Variants in KCNMB2 observed in about 807,000 individuals in gnomAD.
KCNMB2 encodes the protein potassium calcium-activated channel subfamily M regulatory beta subunit 2, also known as calcium-activated potassium channel subunit beta-2.
In KCNMB2, 9 loss-of-function variants were observed where a neutral mutation model predicts 24.5. That is an observed-to-expected ratio of 0.37 (90% CI 0.22 to 0.64). The LOEUF is 0.64. KCNMB2 is among the 30% of genes least tolerant of loss of function. The pLI is 0.63. For synonymous variants in KCNMB2, 109 were observed against 104.4 expected (o/e 1.04, Z -0.27); for missense variants, 226 against 284.3 (o/e 0.79, Z 1.47).
intron 1 of KCNMB2, among the ~76,000 whole-genome samples, chr3:178,741,179 C>T (rs1367365890): frequency 1.3e-5 from 2 of 152,146 alleles, no homozygotes; most frequent in African/African-American, 4.8e-5. Flanking sequence ...ATGAACACAC[C>T]TGTGTTTGAA....
Position 178,592,106 on chromosome 3 carries a change from A to G in KCNMB2, c.-68+55395A>G, listed in dbSNP as rs77313550. ...AGTACTTTCCCTTCATGTCTGTAGCATATATTGCTTTCCATAGGATTTTCT... is the reference window on the plus strand; with the variant it reads ...AGTACTTTCCCTTCATGTCTGTAGCGTATATTGCTTTCCATAGGATTTTCT... On this transcript the variant is annotated intron_variant, in intron 1 of 4. Coordinates refer to ENST00000452583, the MANE Select transcript of KCNMB2 (RefSeq NM_181361.3). Among the ~76,000 whole-genome samples, 1,055 of 152,212 alleles carry G rather than the reference A, an allele frequency of 6.9e-3. 14 individuals carry two copies. The highest frequency in any genetic ancestry group is 0.024 in the African/African-American group (1,000 of 41,534).
At chr3:178,803,793 A>T (rs912174434) in intron 1 of KCNMB2, among the ~76,000 whole-genome samples, 1 of 152,192 alleles carries the variant, frequency 6.6e-6, no homozygotes, top group Non-Finnish European at 1.5e-5. Context: ...TAACTCATTC[A>T]CCATGAAGGC....
At chr3:178,612,069 T>G (rs760579996) in intron 1 of KCNMB2, among the ~76,000 whole-genome samples, 6 of 152,200 alleles carry the variant, frequency 3.9e-5, no homozygotes, top group Non-Finnish European at 8.8e-5. Context: ...TCCAAAATTT[T>G]TCTTGTTATT....
At chr3:178,834,668 G>T (rs1262584653) in intron 4 of KCNMB2, among the ~76,000 whole-genome samples, 2 of 152,120 alleles carry the variant, frequency 1.3e-5, no homozygotes, top group African/African-American at 2.4e-5. Context: ...GGGCGTGGAG[G>T]AGGGGAATAT....
intron 1 of KCNMB2, among the ~76,000 whole-genome samples, chr3:178,622,377 T>C (rs993305951): frequency 6.6e-6 from 1 of 152,222 alleles, no homozygotes; most frequent in Non-Finnish European, 1.5e-5. Flanking sequence ...AAATGTATGG[T>C]GCCTGTTTCA....
intron 1 of KCNMB2, among the ~76,000 whole-genome samples, chr3:178,596,779 T>C (rs570447400): frequency 1.3e-5 from 2 of 152,088 alleles, no homozygotes; most frequent in East Asian, 1.9e-4. Context: ...AACAGCCTGA[T>C]TGAAAGAAAC....
intron 1 of KCNMB2, among the ~76,000 whole-genome samples, chr3:178,609,010 G>A (rs553221654): frequency 1.3e-5 from 2 of 152,176 alleles, no homozygotes; most frequent in Non-Finnish European, 2.9e-5. Context: ...ATGCCCAGCA[G>A]TGGGATTGCT....
intron 1 of KCNMB2, among the ~76,000 whole-genome samples, chr3:178,743,121 A>T (rs1252578882): frequency 6.6e-6 from 1 of 152,184 alleles, no homozygotes; most frequent in African/African-American, 2.4e-5. Flanking sequence ...GCAGTGTAGC[A>T]GAGTGTGCAG....
chr3:178,602,000 A>G (rs1718098071), intron 1 of KCNMB2, among the ~76,000 whole-genome samples: 1 of 152,236 alleles, frequency 6.6e-6, no homozygotes, highest in South Asian at 2.1e-4. Flanking sequence ...TCTATAATTA[A>G]TAACAGGCTT....
intron 1 of KCNMB2, among the ~76,000 whole-genome samples, chr3:178,686,813 A>AGAGAGTGGTATC (rs775982469): frequency 5.0e-4 from 76 of 152,340 alleles, no homozygotes; most frequent in Non-Finnish European, 8.7e-4. Context: ...CTGATGAATC[A>AGAGAGTGGTATC]GAGAGTGGTA....
chr3:178,760,266 C>A (rs867960851), intron 1 of KCNMB2, among the ~76,000 whole-genome samples: 2 of 54,494 alleles, frequency 3.7e-5, no homozygotes, highest in Non-Finnish European at 3.5e-5. Flanking sequence ...ATAGATATAT[C>A]CAAGAGGATA....
chr3:178,821,613 A>G (rs1332337199), intron 2 of KCNMB2, among the ~76,000 whole-genome samples: 1 of 152,176 alleles, frequency 6.6e-6, no homozygotes, highest in Non-Finnish European at 1.5e-5. Context: ...TGTGTGTACT[A>G]TAAATGTACA....
rs373307212 is a variant in KCNMB2, at chr3:178,789,095, A to C, written c.-67-18248A>C. Among the ~76,000 whole-genome samples, 52 of 152,368 alleles carry C rather than the reference A, an allele frequency of 3.4e-4. 1 individual carries two copies. In the South Asian group the frequency reaches 0.011, roughly 31 times the overall value. On this transcript the variant is annotated intron_variant, in intron 1 of 4. Coordinates refer to ENST00000452583, the MANE Select transcript of KCNMB2 (RefSeq NM_181361.3). ...ATTGCTCAGTGACAGAATGAAGATT[A>C]GGAACCCAAAGCTGTGAATAAAAGC... is the stretch of plus-strand genomic sequence containing the variant.
At chr3:178,757,981 G>A (rs1724218706) in intron 1 of KCNMB2, among the ~76,000 whole-genome samples, 1 of 55,230 alleles carries the variant, frequency 1.8e-5, no homozygotes, top group Non-Finnish European at 3.2e-5. Flanking sequence ...ATAGACACAA[G>A]AGGATATATA....
At position 178,828,169 on chromosome 3, in the gene KCNMB2, T is replaced by C; in HGVS notation, c.228-9T>C. Reference sequence around the variant, plus strand: ...GGGCCTGTGTTTACTCTCACCCCTTTCTCTGCAGCGTGTGGACCGAAGAGT... The same window carrying C: ...GGGCCTGTGTTTACTCTCACCCCTTCCTCTGCAGCGTGTGGACCGAAGAGT... On this transcript the variant is annotated splice_polypyrimidine_tract_variant and intron_variant, in intron 3 of 4. Coordinates refer to ENST00000452583, the MANE Select transcript of KCNMB2 (RefSeq NM_181361.3). 1.2e-6 allele frequency: 2 copies of C among 1,610,068 alleles called. No individual in the cohort carries two copies. The highest frequency in any genetic ancestry group is 1.7e-6 in the Non-Finnish European group (2 of 1,176,912).
At chr3:178,721,595 C>T (rs181172811) in intron 1 of KCNMB2, among the ~76,000 whole-genome samples, 117 of 152,210 alleles carry the variant, frequency 7.7e-4, no homozygotes, top group African/African-American at 2.3e-3. Context: ...AACCCCAGAG[C>T]GCAATTACTG....
At chr3:178,726,466 T>C (rs959328325) in intron 1 of KCNMB2, among the ~76,000 whole-genome samples, 1 of 152,156 alleles carries the variant, frequency 6.6e-6, no homozygotes, top group East Asian at 1.9e-4. Flanking sequence ...GTAGGTCTGA[T>C]GGCAACAAAT....
intron 4 of KCNMB2, among the ~76,000 whole-genome samples, chr3:178,830,708 T>A (rs1715022121): frequency 1.3e-5 from 2 of 152,122 alleles, no homozygotes; most frequent in African/African-American, 4.8e-5. Context: ...GCCTTTTCAT[T>A]TATTTATTGG....
chr3:178,670,378 A>C (rs1022346883), intron 1 of KCNMB2, among the ~76,000 whole-genome samples: 1 of 151,306 alleles, frequency 6.6e-6, no homozygotes, highest in African/African-American at 2.5e-5. Flanking sequence ...GGATTATAGA[A>C]GCAAATGATA....
Sources: allele counts gnomAD v4.1 joint callset (sites outside exome capture counted in the v4.1 genomes callset), GRCh38; gene constraint gnomAD v4.1.1; transcripts MANE v1.5; gene names NCBI Gene and HGNC (gene_info 2026-07-23, HGNC 2026-07-21).